The following NBAS variants were observed in gnomAD, a reference collection of about 807,000 sequenced individuals.
NBAS encodes the protein NAG/BC035112 fusion.
A neutral mutation model predicts 302.5 loss-of-function variants in NBAS; 219 were observed. The ratio of observed to expected loss-of-function variants is 0.72; its 90% CI spans 0.65 to 0.81. The LOEUF (loss-of-function observed/expected upper bound fraction) is 0.81, where lower values mean the gene tolerates loss of function less well. Among genes scored for constraint, NBAS ranks in the 30% least tolerant of loss-of-function variants. The probability of loss-of-function intolerance (pLI) is 0.00; values close to 1 mark genes in which losing one functional copy is unlikely to be tolerated. For missense variants in NBAS, 2,932 were observed against 2,841.6 expected, an observed-to-expected ratio of 1.03 and a Z score of -0.72; for synonymous variants, 1,118 against 1,021.6, an observed-to-expected ratio of 1.09 and a Z score of -1.80.
chr2:15,180,502 A>T (rs1181046978), intron 50 of NBAS: 2 of 152,292 alleles, frequency 1.3e-5, no homozygotes, highest in African/African-American at 4.8e-5. Context: ...AACCTGCAGA[A>T]GATTATTTGG....
intron 19 of NBAS, among the ~76,000 whole-genome samples, chr2:15,464,585 C>T (rs556700154): frequency 2.0e-5 from 3 of 152,242 alleles, no homozygotes; most frequent in South Asian, 2.1e-4. Context: ...AATATAAAAA[C>T]AATACTTCTT....
chr2:14,839,911 T>C, the NBAS span, among the ~76,000 whole-genome samples: 1 of 151,810 alleles, frequency 6.6e-6, no homozygotes, highest in Non-Finnish European at 1.5e-5. Flanking sequence ...TGCAGAACCA[T>C]GACTTCCACC....
intron 44 of NBAS, among the ~76,000 whole-genome samples, chr2:15,239,401 G>GTATA (rs3085556): frequency 0.019 from 2,678 of 144,628 alleles, 50 homozygotes; most frequent in Middle Eastern, 0.028. Context: ...GTGTGTGTGT[G>GTATA]TATATATATA....
the NBAS span, among the ~76,000 whole-genome samples, chr2:14,885,117 C>A: frequency 6.6e-6 from 1 of 152,244 alleles, no homozygotes; most frequent in East Asian, 1.9e-4. Context: ...GGAAATAACA[C>A]ATTCTGATTT....
intron 24 of NBAS, 133 bp downstream of exon 24, chr2:15,417,394 G>GA (rs1676994897): frequency 1.3e-6 from 1 of 799,294 alleles, no homozygotes; most frequent in Admixed American, 2.8e-5. Context: ...ATTTTACTGT[G>GA]AAAAAAGTCA....
At chr2:15,085,515 A>G in the NBAS span, among the ~76,000 whole-genome samples, 6 of 152,098 alleles carry the variant, frequency 3.9e-5, no homozygotes, top group Admixed American at 1.3e-4. Flanking sequence ...ATGCAGGCCC[A>G]GGCCCAGCAA....
chr2:15,146,072 A>G, the NBAS span, among the ~76,000 whole-genome samples: 1 of 152,122 alleles, frequency 6.6e-6, no homozygotes, highest in African/African-American at 2.4e-5. Flanking sequence ...CCACCTTGGA[A>G]CAACAGAAAG....
intron 12 of NBAS, among the ~76,000 whole-genome samples, chr2:15,485,151 G>A (rs1680570192): frequency 6.6e-6 from 1 of 151,718 alleles, no homozygotes; most frequent in South Asian, 2.1e-4. Context: ...ATTTATTCTG[G>A]TATCTGGTAC....
At chr2:15,229,764 C>G (rs957745370) in intron 47 of NBAS, among the ~76,000 whole-genome samples, 8 of 138,540 alleles carry the variant, frequency 5.8e-5, no homozygotes, top group Middle Eastern at 3.8e-3. Context: ...GCCTGGCCAA[C>G]AAGAGCAAAC....
chr2:15,559,456 G>A (rs1573017117), intron 1 of NBAS, among the ~76,000 whole-genome samples: 1 of 152,142 alleles, frequency 6.6e-6, no homozygotes. Context: ...GGTTCATGAC[G>A]CTAGGCACTG....
In NBAS at chr2:15,394,342, C is replaced by T. The variant is rs777812952; in HGVS notation, c.3142G>A (p.Glu1048Lys). 2 of 1,612,748 alleles carry T rather than the reference C, an allele frequency of 1.2e-6. No individual in the cohort carries two copies. The highest frequency in any genetic ancestry group is 1.1e-5 in the South Asian group (1 of 91,046). Residue 1048 changes from glutamate (E) to lysine (K), a missense_variant, in exon 28 of 52, where the codon GAG becomes AAG. By Grantham distance (56) the Glu-to-Lys change is moderately conservative (BLOSUM62 1). Transcript: ENST00000281513. ...DQLEQILSVS[E>K]LLEKHGLEKP... ...TCGAGTCCATGTTTTTCCAAAAGCT[C>T]TGACACACTATAAGTGAAAAAAGAA...
the NBAS span, among the ~76,000 whole-genome samples, chr2:14,849,305 C>T: frequency 4.6e-5 from 7 of 151,930 alleles, no homozygotes; most frequent in Non-Finnish European, 8.8e-5. Flanking sequence ...GGAGCCAATG[C>T]GATCAACTGG....
At chr2:15,346,097 G>T (rs559517714) in intron 35 of NBAS, among the ~76,000 whole-genome samples, 9 of 152,204 alleles carry the variant, frequency 5.9e-5, no homozygotes, top group African/African-American at 2.2e-4. Flanking sequence ...ATCGGCAAGG[G>T]CAAAGACTTC....
At chr2:15,392,871 A>C (rs1042985734) in intron 28 of NBAS, among the ~76,000 whole-genome samples, 6 of 152,068 alleles carry the variant, frequency 3.9e-5, no homozygotes, top group Non-Finnish European at 8.8e-5. Context: ...AATATTTAAT[A>C]GAAATCTGCA....
the NBAS span, among the ~76,000 whole-genome samples, chr2:15,064,104 G>A: frequency 3.9e-5 from 6 of 152,136 alleles, no homozygotes; most frequent in East Asian, 5.8e-4. Context: ...ATCTGTCTTC[G>A]TTGTCGAAAA....
chr2:15,229,347 CAAAAAAAAAAAAA>C lies in NBAS; in HGVS notation c.6236+3062_6236+3074del, dbSNP rs61152926. 2.6e-4 allele frequency among the ~76,000 whole-genome samples: 20 copies of C among 76,926 alleles called. No homozygotes were observed. The East Asian group carries it at 6.1e-3, about 24-fold the overall frequency. 50.5% of individuals were successfully genotyped at this position (76,926 alleles called of 152,430 possible). A position where few individuals can be genotyped will look rare whatever the true frequency, so the allele number is the denominator to read the frequency against. ...CACTGCAAGACTCTGTCTCAAAAAA[CAAAAAAAAAAAAA>C]AAAAAAAAAAAAAAGAACATTACAT... On this transcript the variant is annotated intron_variant, in intron 47 of 51. Transcript: ENST00000281513.
At chr2:14,940,211 C>G in the NBAS span, among the ~76,000 whole-genome samples, 383 of 152,314 alleles carry the variant, frequency 2.5e-3, 1 homozygote, top group Non-Finnish European at 4.5e-3. Context: ...AGCTGCTGCT[C>G]AAGCCTCCAA....
intron 19 of NBAS, among the ~76,000 whole-genome samples, chr2:15,465,356 A>G (rs1679679371): frequency 6.6e-6 from 1 of 152,178 alleles, no homozygotes; most frequent in South Asian, 2.1e-4. Flanking sequence ...ATCCCCAGGA[A>G]GAATTTGACA....
chr2:14,832,085 T>C, the NBAS span, among the ~76,000 whole-genome samples: 1 of 152,168 alleles, frequency 6.6e-6, no homozygotes, highest in Non-Finnish European at 1.5e-5. Flanking sequence ...TATTTCAAGG[T>C]CATGGCTGTG....
Sources: gnomAD v4.1 joint callset for allele counts (sites outside exome capture counted in the v4.1 genomes callset) on GRCh38, gnomAD v4.1.1 for gene constraint, MANE v1.5 for transcripts, NCBI Gene and HGNC (gene_info 2026-07-23, HGNC 2026-07-21) for gene names.